Variants in RPS13 observed in about 807,000 individuals in gnomAD.
RPS13 encodes the protein small ribosomal subunit protein uS15.
A neutral mutation model predicts 24.6 loss-of-function variants in RPS13; 1 was observed. That is an observed-to-expected ratio of 0.04 (90% confidence interval 0.01 to 0.19). The LOEUF is 0.19. Among genes scored for constraint, RPS13 ranks in the 10% least tolerant of loss-of-function variants. The probability of loss-of-function intolerance (pLI) is 1.00; values close to 1 mark genes in which losing one functional copy is unlikely to be tolerated. For missense variants in RPS13, 88 were observed against 187.4 expected (o/e 0.47, Z 3.10); for synonymous variants, 69 against 65.3 (o/e 1.06, Z -0.27).
chr11:17,075,759 CG>C (rs1565226184), intron 3 of RPS13, 136 bp from the exon 4 acceptor site: 2 of 729,240 alleles, frequency 2.7e-6, no homozygotes, highest in South Asian at 1.5e-5. Flanking sequence ...CAGAAACCAA[CG>C]TGAGAATGCA....
chr11:17,075,686 C>G, intron 3 of RPS13, 63 bp from the exon 4 acceptor site: 11 of 1,332,022 alleles, frequency 8.3e-6, no homozygotes, highest in Non-Finnish European at 1.2e-5. Context: ...GTGATGATGT[C>G]AAGGCTCAGA....
At chr11:17,077,300 G>C (rs372795762) in intron 2 of RPS13, 54 bp from the exon 3 acceptor site, 9 of 1,577,308 alleles carry the variant, frequency 5.7e-6, no homozygotes, top group South Asian at 3.3e-5. Flanking sequence ...TGGCGCCGCA[G>C]AACAGCGGTC....
intron 3 of RPS13, 126 bp from the exon 4 acceptor site, chr11:17,075,749 C>G: frequency 1.3e-6 from 1 of 758,826 alleles, no homozygotes; most frequent in Non-Finnish European, 2.3e-6. Context: ...TTATACATCA[C>G]AGAAACCAAC....
At chr11:17,077,331 C>A (rs1848036943) in intron 2 of RPS13, 85 bp from the exon 3 acceptor site, 2 of 1,577,708 alleles carry the variant, frequency 1.3e-6, no homozygotes, top group Non-Finnish European at 1.7e-6. Context: ...CAAAACCGCG[C>A]TCCTCATACA....
chr11:17,075,078 CA>C lies in RPS13; in HGVS notation c.422+18del, dbSNP rs770046889. ...TGACTCCTATTCTTGATAACAACGA[CA>C]AAAGAGTTGATACTTACTATTTCCA... On this transcript the variant is annotated intron_variant, in intron 5 of 5. Transcript: ENST00000525634. The C allele has an allele frequency of 3.3e-6, 5 of 1,532,468 alleles. No homozygotes were observed. The South Asian group carries it at 4.6e-5, about 14-fold the overall frequency. 94.9% of individuals were successfully genotyped at this position (1,532,468 alleles called of 1,614,324 possible).
At chr11:17,074,764 A>T (rs1055270962) in intron 5 of RPS13, 1 of 666,192 alleles carries the variant, frequency 1.5e-6, no homozygotes, top group African/African-American at 1.8e-5. Flanking sequence ...GTGAAAATTA[A>T]TTCAAACTCC....
At chr11:17,074,771 C>T in intron 5 of RPS13, 3 of 665,144 alleles carry the variant, frequency 4.5e-6, no homozygotes, top group Non-Finnish European at 8.3e-6. Flanking sequence ...TTAATTCAAA[C>T]TCCTGGGAGT....
At position 17,077,599 on chromosome 11, in the gene RPS13, G is replaced by A. The variant is rs1185112089; in HGVS notation, c.23+20C>T. On this transcript the variant is annotated intron_variant, in intron 1 of 5. Transcript: ENST00000525634. Reference sequence around the variant, plus strand: ...CTCCCACCCCCCGCCCAGCAATCCGGCTTGATGCCCCGAGCTCACCCGGGA... The same window carrying A: ...CTCCCACCCCCCGCCCAGCAATCCGACTTGATGCCCCGAGCTCACCCGGGA... The A allele has an allele frequency of 1.3e-6, 2 of 1,590,460 alleles. No homozygotes were observed. Among genetic ancestry groups the A allele is most frequent in the South Asian group, 1.1e-5 (1 of 89,268 alleles).
Position 17,077,421 on chromosome 11 carries a change from C to A in RPS13, c.72+8G>T. 1 of 1,604,956 alleles carries A rather than the reference C, an allele frequency of 6.2e-7. No individual in the cohort carries two copies. Among genetic ancestry groups the A allele is most frequent in the Admixed American group, 1.7e-5 (1 of 58,208 alleles). The stretch of plus-strand genomic sequence containing the variant: ...CCGGATTCTCCCCGGTCCCAGCGCG[C>A]TACTTACAGTGGGGACGCTGCGTCG... On this transcript the variant is annotated splice_region_variant and intron_variant, in intron 2 of 5. Coordinates refer to ENST00000525634, the MANE Select transcript of RPS13 (RefSeq NM_001017.3).
At chr11:17,074,998 TTAC>T (rs1252299152) in intron 5 of RPS13, 96 bp downstream of exon 5, 17 of 815,142 alleles carry the variant, frequency 2.1e-5, no homozygotes, top group Non-Finnish European at 2.6e-5. Context: ...CTGAACATAT[TTAC>T]TACTAGCCCC....
At chr11:17,077,575 TCCCA>T in intron 1 of RPS13, 40 bp downstream of exon 1, 1 of 459,830 alleles carries the variant, frequency 2.2e-6, no homozygotes, top group Non-Finnish European at 4.0e-6. Flanking sequence ...CCTGTCTTCC[TCCCA>T]CCCCCCGCCC....
intron 5 of RPS13, 40 bp downstream of exon 5, chr11:17,075,057 T>C: frequency 7.3e-7 from 1 of 1,363,580 alleles, no homozygotes; most frequent in Non-Finnish European, 1.0e-6. Context: ...ACTGGCTGAC[T>C]CCTATTCTTG....
intron 2 of RPS13, 24 bp from the exon 3 acceptor site, chr11:17,077,270 T>C (rs1848036013): frequency 6.2e-7 from 1 of 1,607,654 alleles, no homozygotes; most frequent in Non-Finnish European, 8.5e-7. Context: ...GAAAGCAGCC[T>C]TAGGATGAGA....
At chr11:17,074,619 A>G (rs1847997198) in intron 5 of RPS13, 153 bp from the exon 6 acceptor site, 1 of 724,388 alleles carries the variant, frequency 1.4e-6, no homozygotes, top group Admixed American at 2.0e-5. Flanking sequence ...TACCTGAACC[A>G]ACTCATTGTG....
At chr11:17,075,818 A>G in intron 3 of RPS13, 195 bp from the exon 4 acceptor site, 1 of 679,910 alleles carries the variant, frequency 1.5e-6, no homozygotes, top group South Asian at 1.5e-5. Context: ...AACACTAAGG[A>G]AAACCTTTCT....
At chr11:17,075,415 G>A in intron 4 of RPS13, 39 bp downstream of exon 4, 1 of 1,471,654 alleles carries the variant, frequency 6.8e-7, no homozygotes, top group Non-Finnish European at 9.2e-7. Context: ...TTTAGTACAA[G>A]CAGTCCTACT....
At position 17,076,550 on chromosome 11, in the gene RPS13, G is replaced by A. The variant is rs866940730; in HGVS notation, c.151+618C>T. On this transcript the variant is annotated intron_variant, in intron 3 of 5. Transcript: ENST00000525634. Reference sequence around the variant, plus strand: ...CAGACTGGGCGACAAGAGCAAGACTGTCTCAAAAAAAAAAAAAAAAAGAGG... The same window carrying A: ...CAGACTGGGCGACAAGAGCAAGACTATCTCAAAAAAAAAAAAAAAAAGAGG... 6.0e-4 allele frequency: 215 copies of A among 358,432 alleles called. 1 individual carries two copies. The highest frequency in any genetic ancestry group is 5.1e-3 in the African/African-American group (172 of 33,474). 22.2% of individuals were successfully genotyped at this position (358,432 alleles called of 1,614,324 possible).
rs750971362 is a variant in RPS13 at position 17,074,676 on chromosome 11, A to G, written c.423-210T>C. The G allele has an allele frequency of 9.4e-4, 664 of 706,082 alleles. 6 individuals carry two copies. In the Middle Eastern group the frequency reaches 0.019, roughly 20 times the overall value. 43.7% of individuals were successfully genotyped at this position (706,082 alleles called of 1,614,324 possible). On this transcript the variant is annotated intron_variant, in intron 5 of 5. Transcript: ENST00000525634. ...TGCTCACTCAGACATCCAAGGAAGA[A>G]CTGGCCAACATAAGGAAAAACATTT...
At chr11:17,076,930 C>A in intron 3 of RPS13, 1 of 546,106 alleles carries the variant, frequency 1.8e-6, no homozygotes, top group East Asian at 2.9e-5. Flanking sequence ...TAGTATCCAG[C>A]GGCAGTGTGC....
Sources: gnomAD v4.1 joint callset for allele counts on GRCh38, gnomAD v4.1.1 for gene constraint, MANE v1.5 for transcripts, NCBI Gene and HGNC (gene_info 2026-07-23, HGNC 2026-07-21) for gene names.